FAT3: variants seen among roughly 807,000 people sequenced by gnomAD.
FAT3 encodes FAT atypical cadherin 3.
FAT3 carries 95 observed loss-of-function variants against 310.2 expected under a neutral mutation model. That is an observed-to-expected ratio of 0.31 (90% CI 0.26 to 0.36). The LOEUF is 0.36. Ranked by LOEUF, FAT3 falls within the 10% of genes least tolerant of loss-of-function variation. The probability of loss-of-function intolerance (pLI) is 1.00; values close to 1 mark genes in which losing one functional copy is unlikely to be tolerated. For missense variants in FAT3, 5,408 were observed against 5,715.6 expected, an observed-to-expected ratio of 0.95 and a Z score of 1.74; for synonymous variants, 2,314 against 2,192.9, an observed-to-expected ratio of 1.06 and a Z score of -1.54.
chr11:92,840,208 T>A (rs1027503330), intron 17 of FAT3, among the ~76,000 whole-genome samples: 1 of 152,180 alleles, frequency 6.6e-6, no homozygotes, highest in Admixed American at 6.5e-5. Flanking sequence ...GTGGAGCTCT[T>A]CAGGTCAGCT....
chr11:92,707,097 T>G (rs1297593345), intron 4 of FAT3, among the ~76,000 whole-genome samples: 1 of 152,248 alleles, frequency 6.6e-6, no homozygotes, highest in Non-Finnish European at 1.5e-5. Context: ...GGAATAAGTC[T>G]TTGATTCCAT....
chr11:92,532,598 A>G (rs553064555), intron 3 of FAT3, among the ~76,000 whole-genome samples: 92 of 152,198 alleles, frequency 6.0e-4, no homozygotes, highest in Non-Finnish European at 1.2e-3. Flanking sequence ...TTCAAACAGA[A>G]TACATGTGAA....
intron 2 of FAT3, among the ~76,000 whole-genome samples, chr11:92,392,125 C>T (rs1384091667): frequency 6.6e-6 from 1 of 152,090 alleles, no homozygotes; most frequent in Admixed American, 6.6e-5. Flanking sequence ...GTCATTTACT[C>T]ATTGGCCAGT....
intron 2 of FAT3, among the ~76,000 whole-genome samples, chr11:92,441,600 A>C (rs1046718585): frequency 6.6e-6 from 1 of 152,098 alleles, no homozygotes; most frequent in Non-Finnish European, 1.5e-5. Context: ...GCTCTCTATC[A>C]ATACCTGGAG....
At chr11:92,863,983 G>A (rs1949177684) in intron 21 of FAT3, among the ~76,000 whole-genome samples, 1 of 152,194 alleles carries the variant, frequency 6.6e-6, no homozygotes, top group South Asian at 2.1e-4. Context: ...AAAAGGCTAA[G>A]AATCGTGTAG....
At chr11:92,815,712 C>T (rs1425481175) in intron 13 of FAT3, among the ~76,000 whole-genome samples, 1 of 152,082 alleles carries the variant, frequency 6.6e-6, no homozygotes, top group Admixed American at 6.5e-5. Flanking sequence ...AACATGGGCA[C>T]CAGGTGAAGG....
chr11:92,368,853 CATACACATATATATATACACACAT>C (rs1949096832), intron 2 of FAT3, among the ~76,000 whole-genome samples: 1 of 102,096 alleles, frequency 9.8e-6, no homozygotes, highest in Non-Finnish European at 1.9e-5. Context: ...TATATACACA[CATACACATATATATATACACACAT>C]ATACACATAT....
In FAT3 at chr11:92,736,510, G is replaced by A. The variant is rs190296222; in HGVS notation, c.3670-25346G>A. 5.1e-4 allele frequency among the ~76,000 whole-genome samples: 77 copies of A among 152,168 alleles called. No homozygotes were observed. In the East Asian group the frequency reaches 8.9e-3, roughly 18 times the overall value. On this transcript the variant is annotated intron_variant, in intron 4 of 27. Coordinates refer to ENST00000525166, the MANE Select transcript of FAT3 (RefSeq NM_001367949.2). ...TTTGGGGACAGAATTGTTAAGTAAC[G>A]AAAAAGAAGTAATGGCAATTGACCC...
At chr11:92,558,291 C>G (rs1378252072) in intron 3 of FAT3, among the ~76,000 whole-genome samples, 1 of 145,118 alleles carries the variant, frequency 6.9e-6, no homozygotes, top group Non-Finnish European at 1.5e-5. Context: ...ATTTTCCATT[C>G]CTGAAGATAA....
At chr11:92,653,787 A>G (rs2135769412) in intron 3 of FAT3, among the ~76,000 whole-genome samples, 1 of 152,278 alleles carries the variant, frequency 6.6e-6, no homozygotes, top group African/African-American at 2.4e-5. Flanking sequence ...TTAATTCTTC[A>G]GTGAATTTTA....
chr11:92,570,850 A>G (rs534015876), intron 3 of FAT3, among the ~76,000 whole-genome samples: 1 of 152,298 alleles, frequency 6.6e-6, no homozygotes, highest in Admixed American at 6.5e-5. Context: ...AACTATGAGC[A>G]AGATATGATT....
chr11:92,540,543 C>T (rs1954412705), intron 3 of FAT3, among the ~76,000 whole-genome samples: 1 of 152,138 alleles, frequency 6.6e-6, no homozygotes, highest in Non-Finnish European at 1.5e-5. Flanking sequence ...TCATGAGACT[C>T]CTGTTGGAGA....
intron 1 of FAT3, among the ~76,000 whole-genome samples, chr11:92,289,541 A>G (rs375719533): frequency 6.7e-6 from 1 of 149,172 alleles, no homozygotes; most frequent in Non-Finnish European, 1.5e-5. Context: ...ACACACATAT[A>G]TATGTGCACA....
intron 2 of FAT3, among the ~76,000 whole-genome samples, chr11:92,517,479 G>A (rs1953525881): frequency 6.6e-6 from 1 of 152,054 alleles, no homozygotes; most frequent in African/African-American, 2.4e-5. Flanking sequence ...AACTCAAGAT[G>A]AATTAAAGAT....
intron 1 of FAT3, among the ~76,000 whole-genome samples, chr11:92,259,887 T>C (rs962102470): frequency 6.6e-6 from 1 of 152,122 alleles, no homozygotes; most frequent in Admixed American, 6.6e-5. Context: ...CTTTTGGTGT[T>C]TTTCCTAGAT....
intron 3 of FAT3, among the ~76,000 whole-genome samples, chr11:92,531,827 GT>G (rs1202502036): frequency 2.0e-5 from 3 of 151,918 alleles, no homozygotes; most frequent in Non-Finnish European, 4.4e-5. Context: ...CCTCGATACT[GT>G]GGATGTTTTT....
chr11:92,475,904 T>C (rs1364538217), intron 2 of FAT3, among the ~76,000 whole-genome samples: 1 of 152,090 alleles, frequency 6.6e-6, no homozygotes, highest in African/African-American at 2.4e-5. Flanking sequence ...AGAGAGCAGG[T>C]CATAAAATCA....
chr11:92,518,135 T>C (rs1953549367), intron 2 of FAT3, among the ~76,000 whole-genome samples: 1 of 151,672 alleles, frequency 6.6e-6, no homozygotes, highest in African/African-American at 2.4e-5. Context: ...ACTAGACATA[T>C]ACATTTTACC....
At chr11:92,448,600 GA>G (rs1345727590) in intron 2 of FAT3, among the ~76,000 whole-genome samples, 1 of 152,182 alleles carries the variant, frequency 6.6e-6, no homozygotes, top group Non-Finnish European at 1.5e-5. Flanking sequence ...TTAGTTTTTA[GA>G]AAAGGTGTTT....
Sources: allele counts gnomAD v4.1 joint callset (sites outside exome capture counted in the v4.1 genomes callset), GRCh38; gene constraint gnomAD v4.1.1; transcripts MANE v1.5; gene names NCBI Gene and HGNC (gene_info 2026-07-23, HGNC 2026-07-21).